CDH12: variants seen among roughly 807,000 people sequenced by gnomAD.
The protein encoded by CDH12 is cadherin-12.
Under a neutral mutation model 74.1 loss-of-function variants are expected in CDH12, and 41 were observed. The ratio of observed to expected loss-of-function variants is 0.55; its 90% confidence interval spans 0.43 to 0.72. CDH12 has a LOEUF of 0.72. Among genes scored for constraint, CDH12 ranks in the 30% least tolerant of loss-of-function variants. CDH12 has a pLI of 0.00. For synonymous variants in CDH12, 399 were observed against 355.0 expected, an observed-to-expected ratio of 1.12 and a Z score of -1.39; for missense variants, 945 against 977.2, an observed-to-expected ratio of 0.97 and a Z score of 0.44.
intron 3 of CDH12, among the ~76,000 whole-genome samples, chr5:22,356,695 A>C (rs907078630): frequency 2.0e-5 from 3 of 152,138 alleles, no homozygotes; most frequent in African/African-American, 7.2e-5. Flanking sequence ...GATTAACTCC[A>C]AGTATATCTT....
chr5:22,023,592 T>TATAC (rs1415205469), intron 5 of CDH12, among the ~76,000 whole-genome samples: 103 of 151,764 alleles, frequency 6.8e-4, no homozygotes, highest in African/African-American at 2.4e-3. Flanking sequence ...TATATATATA[T>TATAC]ACACACACAC....
chr5:22,223,426 A>T (rs937271510), intron 3 of CDH12, among the ~76,000 whole-genome samples: 1 of 152,048 alleles, frequency 6.6e-6, no homozygotes, highest in African/African-American at 2.4e-5. Flanking sequence ...GGTCAGCCTT[A>T]TTAGGAATTT....
chr5:22,362,988 G>A (rs912128769), intron 3 of CDH12, among the ~76,000 whole-genome samples: 2 of 150,686 alleles, frequency 1.3e-5, no homozygotes, highest in African/African-American at 2.4e-5. Context: ...GCTAAATGAC[G>A]AGTTAATGGG....
chr5:22,036,594 AAG>A (rs1739205981), intron 5 of CDH12, among the ~76,000 whole-genome samples: 1 of 152,134 alleles, frequency 6.6e-6, no homozygotes, highest in Non-Finnish European at 1.5e-5. Context: ...GTGTTTTGCC[AAG>A]AGTTATTTTG....
intron 1 of CDH12, among the ~76,000 whole-genome samples, chr5:22,831,904 A>T (rs1736631769): frequency 6.6e-6 from 1 of 152,096 alleles, no homozygotes; most frequent in Non-Finnish European, 1.5e-5. Context: ...CCCCCCCAAA[A>T]AAAAAATTAA....
intron 6 of CDH12, among the ~76,000 whole-genome samples, chr5:21,945,615 A>C (rs1465291212): frequency 6.6e-6 from 1 of 151,798 alleles, no homozygotes; most frequent in Non-Finnish European, 1.5e-5. Context: ...GAACTAAATA[A>C]AATTAAAATA....
intron 6 of CDH12, among the ~76,000 whole-genome samples, chr5:21,932,372 A>C (rs750506988): frequency 6.6e-6 from 1 of 152,234 alleles, no homozygotes; most frequent in African/African-American, 2.4e-5. Context: ...ACATCCTTTG[A>C]TGTGCAGTTA....
intron 1 of CDH12, among the ~76,000 whole-genome samples, chr5:22,781,904 AAAG>A (rs1747402895): frequency 2.6e-5 from 4 of 152,286 alleles, no homozygotes; most frequent in Middle Eastern, 3.4e-3. Context: ...TGAGACATGC[AAAG>A]AAGATCACTT....
At chr5:22,396,576 T>C (rs1742472402) in intron 3 of CDH12, among the ~76,000 whole-genome samples, 1 of 152,116 alleles carries the variant, frequency 6.6e-6, no homozygotes, top group Non-Finnish European at 1.5e-5. Flanking sequence ...GCATGTACAG[T>C]TATCTCTTCA....
intron 8 of CDH12, among the ~76,000 whole-genome samples, chr5:21,820,872 A>G (rs952665548): frequency 2.0e-5 from 3 of 151,990 alleles, no homozygotes; most frequent in Admixed American, 2.0e-4. Context: ...GATGCATATG[A>G]AACATCTTAA....
intron 1 of CDH12, among the ~76,000 whole-genome samples, chr5:22,706,936 T>G (rs1367830070): frequency 6.6e-6 from 1 of 152,100 alleles, no homozygotes; most frequent in Non-Finnish European, 1.5e-5. Context: ...GAAAATAAAT[T>G]TACACCCAAA....
intron 3 of CDH12, among the ~76,000 whole-genome samples, chr5:22,217,059 C>T (rs984190151): frequency 2.0e-5 from 3 of 151,698 alleles, no homozygotes; most frequent in Non-Finnish European, 4.4e-5. Context: ...CTTCTCACAC[C>T]CTTCCATGCC....
At chr5:22,003,485 C>A (rs2150145839) in intron 5 of CDH12, among the ~76,000 whole-genome samples, 1 of 152,246 alleles carries the variant, frequency 6.6e-6, no homozygotes, top group African/African-American at 2.4e-5. Context: ...ATGAAGAAAG[C>A]CAAAGAGACA....
At chr5:22,800,724 G>A (rs1461380130) in intron 1 of CDH12, among the ~76,000 whole-genome samples, 12 of 151,924 alleles carry the variant, frequency 7.9e-5, no homozygotes. Flanking sequence ...ATTGCTGCTG[G>A]CAACCACTGA....
At chr5:22,273,665 T>A (rs998502853) in intron 3 of CDH12, among the ~76,000 whole-genome samples, 3 of 152,212 alleles carry the variant, frequency 2.0e-5, no homozygotes, top group Non-Finnish European at 4.4e-5. Flanking sequence ...AGTAATCTTT[T>A]ACTTCCACTT....
intron 5 of CDH12, among the ~76,000 whole-genome samples, chr5:22,007,700 A>G (rs1737049130): frequency 6.6e-6 from 1 of 152,192 alleles, no homozygotes; most frequent in Admixed American, 6.5e-5. Flanking sequence ...AATAACAGGG[A>G]CTAAACCTTC....
intron 6 of CDH12, among the ~76,000 whole-genome samples, chr5:21,971,596 G>T (rs867408774): frequency 6.6e-6 from 1 of 152,084 alleles, no homozygotes; most frequent in Non-Finnish European, 1.5e-5. Context: ...GATAATACAA[G>T]TTGAGTATGG....
intron 4 of CDH12, among the ~76,000 whole-genome samples, chr5:22,200,008 T>A (rs539759001): frequency 6.6e-6 from 1 of 152,194 alleles, no homozygotes; most frequent in African/African-American, 2.4e-5. Flanking sequence ...TTGAGGATTA[T>A]GGTTCCAGGG....
intron 7 of CDH12, among the ~76,000 whole-genome samples, chr5:21,853,137 T>TA (rs968613610): frequency 7.3e-5 from 11 of 151,404 alleles, no homozygotes; most frequent in African/African-American, 2.2e-4. Flanking sequence ...TTTTCACAGC[T>TA]AAAAAAAATC....
Sources: allele counts gnomAD v4.1 joint callset (sites outside exome capture counted in the v4.1 genomes callset), GRCh38; gene constraint gnomAD v4.1.1; transcripts MANE v1.5; gene names NCBI Gene and HGNC (gene_info 2026-07-23, HGNC 2026-07-21).